Variants in BROX observed in about 807,000 individuals in gnomAD.
BROX encodes the protein BRO1 domain-containing protein BROX.
A neutral mutation model predicts 61.0 loss-of-function variants in BROX; 53 were observed. The ratio of observed to expected loss-of-function variants is 0.87; its 90% CI spans 0.70 to 1.09. The LOEUF is 1.09. BROX is among the 50% of genes least tolerant of loss of function. The pLI is 0.00. For missense variants in BROX, 489 were observed against 472.0 expected (o/e 1.04, Z -0.33); for synonymous variants, 152 against 160.2 (o/e 0.95, Z 0.38).
At chr1:222,713,066 T>G in intron 1 of BROX, 124 bp downstream of exon 1, 1 of 1,040,214 alleles carries the variant, frequency 9.6e-7, no homozygotes, top group Non-Finnish European at 1.2e-6. Flanking sequence ...GGACCAAAAG[T>G]CTCCTTCTAG....
chr1:222,718,735 C>T (rs893455057), intron 2 of BROX, among the ~76,000 whole-genome samples, 190 bp from the exon 3 acceptor site: 1 of 152,036 alleles, frequency 6.6e-6, no homozygotes, highest in Non-Finnish European at 1.5e-5. Flanking sequence ...TGATTAAATT[C>T]ATTTGTTAAT....
intron 8 of BROX, among the ~76,000 whole-genome samples, chr1:222,728,222 A>G (rs140795990): frequency 2.6e-5 from 4 of 152,328 alleles, no homozygotes; most frequent in Admixed American, 6.5e-5. Context: ...CTTAAAGTTT[A>G]TGAAGGAAAT....
chr1:222,725,894 G>A (rs1176593476), intron 7 of BROX, among the ~76,000 whole-genome samples: 1 of 152,186 alleles, frequency 6.6e-6, no homozygotes, highest in Non-Finnish European at 1.5e-5. Flanking sequence ...CTGAGCAACA[G>A]TGTGAGACCC....
At chr1:222,725,666 T>G in intron 7 of BROX, 111 bp downstream of exon 7, 1 of 788,396 alleles carries the variant, frequency 1.3e-6, no homozygotes, top group Non-Finnish European at 1.9e-6. Flanking sequence ...TCCCAGCACT[T>G]TGGGAGGTCT....
Position 222,734,411 on chromosome 1 carries a change from T to C in BROX, c.*1697T>C, listed in dbSNP as rs1230542053. 6.6e-6 allele frequency: 1 copy of C among 152,144 alleles called. No individual in the cohort carries two copies. Among genetic ancestry groups the C allele is most frequent in the Non-Finnish European group, 1.5e-5 (1 of 68,016 alleles). The allele number at this position is 152,144 out of a possible 1,614,324, so 9.4% of individuals were successfully genotyped here. A position where few individuals can be genotyped will look rare whatever the true frequency, so the allele number is the denominator to read the frequency against. On this transcript the variant is annotated 3_prime_UTR_variant, in exon 13 of 13. Transcript: ENST00000340934. Reference sequence around the variant, plus strand: ...AATAGATTATGCCTATCTGAATCAATATTGCATTCAAATAAGTGATTACTT... The same window carrying C: ...AATAGATTATGCCTATCTGAATCAACATTGCATTCAAATAAGTGATTACTT...
rs949870098 is a variant in BROX, at chr1:222,724,220, A to C, written c.474+56A>C. On this transcript the variant is annotated intron_variant, in intron 6 of 12. Coordinates refer to ENST00000340934, the MANE Select transcript of BROX (RefSeq NM_144695.4). ...TTCTTAATGCTTTAATTCTTGAATA[A>C]TTTTTCTTTTGGGAGGATATGGGGA... 13 of 1,438,582 alleles carry C rather than the reference A, an allele frequency of 9.0e-6. No individual in the cohort carries two copies. In the African/African-American group the frequency reaches 1.7e-4, roughly 19 times the overall value. 89.1% of individuals were successfully genotyped at this position (1,438,582 alleles called of 1,614,324 possible).
At chr1:222,724,792 G>A (rs560589395) in intron 6 of BROX, among the ~76,000 whole-genome samples, 40 of 152,036 alleles carry the variant, frequency 2.6e-4, no homozygotes, top group African/African-American at 9.2e-4. Flanking sequence ...ATGTAGAATT[G>A]TAGTGGGGTT....
At chr1:222,729,123 CAT>C (rs752135667) in intron 9 of BROX, among the ~76,000 whole-genome samples, 2 of 152,156 alleles carry the variant, frequency 1.3e-5, no homozygotes, top group African/African-American at 4.8e-5. Context: ...CATTGAGAAA[CAT>C]ATTTACTAAT....
intron 1 of BROX, among the ~76,000 whole-genome samples, chr1:222,714,144 G>C (rs912294090): frequency 1.3e-5 from 2 of 151,326 alleles, no homozygotes; most frequent in African/African-American, 2.4e-5. Flanking sequence ...TTAGGTCTTC[G>C]CCTGGGCTTT....
At chr1:222,723,120 G>T (rs544720195) in intron 5 of BROX, among the ~76,000 whole-genome samples, 2 of 152,300 alleles carry the variant, frequency 1.3e-5, no homozygotes, top group African/African-American at 4.8e-5. Context: ...ATGTCAAATT[G>T]TATGTGCTGA....
chr1:222,727,019 C>T (rs1294043867), intron 7 of BROX, 149 bp from the exon 8 acceptor site: 2 of 565,372 alleles, frequency 3.5e-6, no homozygotes, highest in East Asian at 3.1e-5. Context: ...TTAATGTTTG[C>T]ATTTTCTATA....
At position 222,722,504 on chromosome 1, in the gene BROX, G is replaced by A; in HGVS notation, c.391G>A (p.Gly131Arg). ...WYTKYASRLA[G>R]KENITEDEAK... Reference sequence around the variant, plus strand: ...TACCAAATATGCTTCAAGACTGGCTGGAAAAGAAAAGTAAGTTAATAGGAG... The same window carrying A: ...TACCAAATATGCTTCAAGACTGGCTAGAAAAGAAAAGTAAGTTAATAGGAG... The change falls in exon 5 of 13, where the codon GGA becomes AGA. Residue 131 changes from glycine to arginine, a missense_variant. Transcript: ENST00000340934. 2 of 1,607,970 alleles carry A rather than the reference G, an allele frequency of 1.2e-6. No homozygotes were observed. The highest frequency in any genetic ancestry group is 1.1e-5 in the South Asian group (1 of 90,886).
Position 222,732,754 on chromosome 1 carries a change from G to A in BROX, c.*40G>A. On this transcript the variant is annotated 3_prime_UTR_variant, in exon 13 of 13. Coordinates refer to ENST00000340934, the MANE Select transcript of BROX (RefSeq NM_144695.4). The stretch of plus-strand genomic sequence containing the variant: ...TTAGAATTTCTCTAGCAGTAAATAA[G>A]ATAAACCACAGAATTTCAGTTCTTA... 2 of 1,449,556 alleles carry A rather than the reference G, an allele frequency of 1.4e-6. No individual in the cohort carries two copies. Among genetic ancestry groups the A allele is most frequent in the Non-Finnish European group, 1.9e-6 (2 of 1,041,798 alleles). The allele number at this position is 1,449,556 out of a possible 1,614,324, so 89.8% of individuals were successfully genotyped here.
At chr1:222,714,493 T>C (rs896489935) in intron 1 of BROX, among the ~76,000 whole-genome samples, 3 of 140,280 alleles carry the variant, frequency 2.1e-5, no homozygotes, top group African/African-American at 7.8e-5. Flanking sequence ...CCACCGCGCG[T>C]TTTTTTTTTT....
intron 1 of BROX, chr1:222,715,262 AC>A (rs1186667601): frequency 6.6e-6 from 1 of 151,866 alleles, no homozygotes; most frequent in East Asian, 1.9e-4. Flanking sequence ...AAAACCACCC[AC>A]CCCCAGGTGA....
chr1:222,733,584 T>G lies in BROX; in HGVS notation c.*870T>G, dbSNP rs1471036412. On this transcript the variant is annotated 3_prime_UTR_variant, in exon 13 of 13. Transcript: ENST00000340934. ...CACTTATAGTTAAAGATCAGAAAAT[T>G]ATCACACCAAATCCATTACATATGT... 1.3e-5 allele frequency: 2 copies of G among 152,192 alleles called. No homozygotes were observed. The highest frequency in any genetic ancestry group is 4.8e-5 in the African/African-American group (2 of 41,444). 9.4% of individuals were successfully genotyped at this position (152,192 alleles called of 1,614,324 possible). A position where few individuals can be genotyped will look rare whatever the true frequency, so the allele number is the denominator to read the frequency against.
At chr1:222,721,821 C>T (rs546541979) in intron 4 of BROX, among the ~76,000 whole-genome samples, 2 of 152,070 alleles carry the variant, frequency 1.3e-5, no homozygotes, top group Non-Finnish European at 2.9e-5. Flanking sequence ...TTTTTACATA[C>T]CTTCTGCTCC....
intron 8 of BROX, among the ~76,000 whole-genome samples, chr1:222,728,239 A>G (rs1002309627): frequency 6.6e-6 from 1 of 152,164 alleles, no homozygotes; most frequent in African/African-American, 2.4e-5. Context: ...AAATGATGAA[A>G]GCTTTGGCAA....
chr1:222,715,657 G>T lies in BROX; in HGVS notation c.-16-27G>T, dbSNP rs556275061. 12 of 983,956 alleles carry T rather than the reference G, an allele frequency of 1.2e-5. No homozygotes were observed. The Admixed American group carries it at 2.5e-4, about 21-fold the overall frequency. 61.0% of individuals were successfully genotyped at this position (983,956 alleles called of 1,614,324 possible). A position where few individuals can be genotyped will look rare whatever the true frequency, so the allele number is the denominator to read the frequency against. On this transcript the variant is annotated intron_variant, in intron 1 of 12. Coordinates refer to ENST00000340934, the MANE Select transcript of BROX (RefSeq NM_144695.4). ...ATTAAATATTTTATATTTAATTTTTGTATATTTTTTACTTTTTTGTCTATA... is the reference window on the plus strand; with the variant it reads ...ATTAAATATTTTATATTTAATTTTTTTATATTTTTTACTTTTTTGTCTATA...
Sources: gnomAD v4.1 joint callset for allele counts (sites outside exome capture counted in the v4.1 genomes callset) on GRCh38, gnomAD v4.1.1 for gene constraint, MANE v1.5 for transcripts, NCBI Gene and HGNC (gene_info 2026-07-23, HGNC 2026-07-21) for gene names.